The following MGST2 variants were observed in gnomAD, a reference collection of about 807,000 sequenced individuals.
MGST2 encodes the protein glutathione peroxidase MGST2.
Under a neutral mutation model 16.6 loss-of-function variants are expected in MGST2, and 9 were observed. The observed-to-expected ratio is 0.54, with a 90% CI of 0.33 to 0.95. The LOEUF (loss-of-function observed/expected upper bound fraction) is 0.95. Ranked by LOEUF, MGST2 falls within the 40% of genes least tolerant of loss-of-function variation. MGST2 has a pLI of 0.03. For missense variants in MGST2, 159 were observed against 175.1 expected, an observed-to-expected ratio of 0.91 and a Z score of 0.52; for synonymous variants, 79 against 68.0, an observed-to-expected ratio of 1.16 and a Z score of -0.79.
intron 5 of MGST2, chr4:139,730,403 A>C (rs1307838060): frequency 6.5e-7 from 1 of 1,547,712 alleles, no homozygotes; most frequent in South Asian, 1.2e-5. Flanking sequence ...AATCACGCCA[A>C]GGGGCATGTT....
intron 1 of MGST2, among the ~76,000 whole-genome samples, chr4:139,670,081 G>T (rs1473095569): frequency 6.6e-6 from 1 of 152,042 alleles, no homozygotes; most frequent in Non-Finnish European, 1.5e-5. Context: ...TGTCTTAGGG[G>T]GTCTGGTTTC....
At chr4:139,753,614 T>A in the MGST2 span, among the ~76,000 whole-genome samples, 1 of 152,180 alleles carries the variant, frequency 6.6e-6, no homozygotes, top group African/African-American at 2.4e-5. Context: ...AATATCTGTA[T>A]TAGGGCAACT....
chr4:139,674,848 A>T (rs1040738823), intron 1 of MGST2, among the ~76,000 whole-genome samples: 6 of 152,234 alleles, frequency 3.9e-5, no homozygotes, highest in African/African-American at 1.4e-4. Flanking sequence ...TGTCCAATGC[A>T]GTTCCCAGCT....
rs190428614 is a variant in MGST2, at chr4:139,675,705, G to A, written c.59-2838G>A. Among the ~76,000 whole-genome samples the A allele has an allele frequency of 1.3e-3, 197 of 152,338 alleles. 3 individuals are homozygous for A. Among genetic ancestry groups the A allele is most frequent in the East Asian group, 6.4e-3 (33 of 5,186 alleles). On this transcript the variant is annotated intron_variant, in intron 1 of 4. Coordinates refer to ENST00000265498, the MANE Select transcript of MGST2 (RefSeq NM_002413.5). ...GAAGAGTGCAGCGGGCTGCCTCAGC[G>A]AGAGGACTGAGCGCGCCGGGGAGGA...
chr4:139,707,449 C>T (rs1727564313), downstream of MGST2, among the ~76,000 whole-genome samples: 1 of 152,058 alleles, frequency 6.6e-6, no homozygotes, highest in Non-Finnish European at 1.5e-5. Flanking sequence ...TCCAGTCTAT[C>T]ATTGTTGGAC....
chr4:139,734,063 C>G (rs1301715621), intron 5 of MGST2, among the ~76,000 whole-genome samples: 1 of 152,172 alleles, frequency 6.6e-6, no homozygotes, highest in African/African-American at 2.4e-5. Flanking sequence ...CTGCGGCATT[C>G]AACAGTGGAT....
chr4:139,729,817 T>C (rs1728628696), intron 5 of MGST2, among the ~76,000 whole-genome samples: 1 of 152,200 alleles, frequency 6.6e-6, no homozygotes, highest in Non-Finnish European at 1.5e-5. Context: ...GTGTTAGGCT[T>C]TCCTTTAACT....
chr4:139,681,813 A>G (rs1731256535), intron 2 of MGST2, among the ~76,000 whole-genome samples: 1 of 152,182 alleles, frequency 6.6e-6, no homozygotes. Flanking sequence ...GCCTAGATCC[A>G]TGAACAAATC....
intron 5 of MGST2, among the ~76,000 whole-genome samples, chr4:139,728,834 C>T (rs1029342610): frequency 2.0e-5 from 3 of 152,188 alleles, no homozygotes; most frequent in African/African-American, 7.2e-5. Context: ...CGTGTGGGAA[C>T]ACCCTTGGGC....
intron 2 of MGST2, among the ~76,000 whole-genome samples, chr4:139,679,851 G>C (rs1181257446): frequency 6.6e-6 from 1 of 151,608 alleles, no homozygotes; most frequent in Non-Finnish European, 1.5e-5. Flanking sequence ...TAAGTCAAGT[G>C]GAAAGTATTG....
chr4:139,699,480 G>A (rs1463384924), intron 3 of MGST2, among the ~76,000 whole-genome samples: 1 of 152,168 alleles, frequency 6.6e-6, no homozygotes, highest in Non-Finnish European at 1.5e-5. Flanking sequence ...TTGTGCATTT[G>A]TGACAGACCT....
intron 5 of MGST2, among the ~76,000 whole-genome samples, chr4:139,712,002 AGG>A (rs1727761541): frequency 6.6e-6 from 1 of 152,198 alleles, no homozygotes; most frequent in African/African-American, 2.4e-5. Context: ...TTTTGACAAG[AGG>A]TGATATCTGG....
chr4:139,743,395 A>G (rs1191730456), downstream of MGST2, among the ~76,000 whole-genome samples: 1 of 152,222 alleles, frequency 6.6e-6, no homozygotes, highest in African/African-American at 2.4e-5. Context: ...CATTTCTCTG[A>G]TAGACACCGT....
At chr4:139,675,394 A>G (rs1315336940) in intron 1 of MGST2, among the ~76,000 whole-genome samples, 2 of 152,202 alleles carry the variant, frequency 1.3e-5, no homozygotes, top group Admixed American at 6.5e-5. Context: ...AGGAGGAAGT[A>G]TGGATGTGGA....
At chr4:139,747,372 G>T in the MGST2 span, among the ~76,000 whole-genome samples, 1 of 152,196 alleles carries the variant, frequency 6.6e-6, no homozygotes. Context: ...GTTAGAGAAT[G>T]AATTCTAGGG....
At chr4:139,702,260 C>T (rs887458451) in intron 3 of MGST2, among the ~76,000 whole-genome samples, 5 of 152,206 alleles carry the variant, frequency 3.3e-5, no homozygotes, top group Non-Finnish European at 1.5e-5. Flanking sequence ...GAAGTACACA[C>T]ACCTGTGTGG....
chr4:139,720,281 A>T, intron 5 of MGST2: 1 of 1,568,984 alleles, frequency 6.4e-7, no homozygotes, highest in Non-Finnish European at 8.7e-7. Flanking sequence ...CATGCTCTGG[A>T]GGGCTGCTTG....
intron 5 of MGST2, chr4:139,719,924 G>T: frequency 6.2e-7 from 1 of 1,614,072 alleles, no homozygotes; most frequent in Admixed American, 1.7e-5. Context: ...CCTAGGCAAG[G>T]CCTGGCCTAC....
chr4:139,708,999 CAAAAAAA>C (rs36036249), downstream of MGST2, among the ~76,000 whole-genome samples: 192 of 102,586 alleles, frequency 1.9e-3, 1 homozygote, highest in African/African-American at 6.0e-3. Context: ...AACTCCGTCT[CAAAAAAA>C]AAAAAAAAAG....
Sources: allele counts gnomAD v4.1 joint callset (sites outside exome capture counted in the v4.1 genomes callset), GRCh38; gene constraint gnomAD v4.1.1; transcripts MANE v1.5; gene names NCBI Gene and HGNC (gene_info 2026-07-23, HGNC 2026-07-21).